Variants in ITPR2 observed in about 807,000 individuals in gnomAD.
The protein encoded by ITPR2 is inositol 1,4,5-trisphosphate receptor type 2.
In ITPR2, 207 loss-of-function variants were observed where a neutral mutation model predicts 317.1. The ratio of observed to expected loss-of-function variants is 0.65; its 90% CI spans 0.58 to 0.73. The LOEUF (loss-of-function observed/expected upper bound fraction) is 0.73. ITPR2 is among the 30% of genes least tolerant of loss of function. The probability of loss-of-function intolerance (pLI) is 0.00; values close to 1 mark genes in which losing one functional copy is unlikely to be tolerated. For missense variants in ITPR2, 2,613 were observed against 3,284.0 expected (o/e 0.80, Z 4.99); for synonymous variants, 1,156 against 1,149.1 (o/e 1.01, Z -0.12).
intron 2 of ITPR2, among the ~76,000 whole-genome samples, chr12:26,738,926 A>T (rs182420451): frequency 6.6e-6 from 1 of 152,366 alleles, no homozygotes; most frequent in Admixed American, 6.5e-5. Flanking sequence ...AAGCAAGCAC[A>T]TTTCTAACAG....
At chr12:26,752,175 T>G (rs1334820786) in intron 2 of ITPR2, among the ~76,000 whole-genome samples, 1 of 152,220 alleles carries the variant, frequency 6.6e-6, no homozygotes, top group African/African-American at 2.4e-5. Context: ...TACTTGAGTT[T>G]GTTTCTCCTA....
At position 26,439,274 on chromosome 12, in the gene ITPR2, G is replaced by A. The variant is rs1372169536; in HGVS notation, c.6496C>T (p.Pro2166Ser). Reference sequence around the variant, plus strand: ...CGAGTGAGGTATTCACATATATTGGGGACAGGAAAAACTATTTGTTCCATG... The same window carrying A: ...CGAGTGAGGTATTCACATATATTGGAGACAGGAAAAACTATTTGTTCCATG... ...RTMEQIVFPV[P>S]NICEYLTRES... Residue 2166 changes from proline (P) to serine (S), a missense_variant, in exon 47 of 57, where the codon CCC becomes TCC. Physicochemically the swap from Pro to Ser is moderately conservative, Grantham distance 74. Around this residue, in one of 9 missense-constraint regions of ITPR2, gnomAD observed 926 missense variants for 1,072.8 expected, o/e 0.86. Coordinates refer to ENST00000381340, the MANE Select transcript of ITPR2 (RefSeq NM_002223.4). The A allele has an allele frequency of 1.9e-6, 3 of 1,609,512 alleles. No individual in the cohort carries two copies. Among genetic ancestry groups the A allele is most frequent in the Non-Finnish European group, 8.5e-7 (1 of 1,177,984 alleles).
intron 20 of ITPR2, among the ~76,000 whole-genome samples, chr12:26,654,983 T>C (rs986990179): frequency 1.3e-5 from 2 of 152,208 alleles, no homozygotes; most frequent in Non-Finnish European, 2.9e-5. Context: ...GCTATGATAA[T>C]GTTTGTTGCT....
intron 15 of ITPR2, among the ~76,000 whole-genome samples, chr12:26,663,322 A>T (rs1947544295): frequency 6.6e-6 from 1 of 152,062 alleles, no homozygotes; most frequent in African/African-American, 2.4e-5. Context: ...TTTCCACTAA[A>T]CTATAACCTC....
intron 32 of ITPR2, among the ~76,000 whole-genome samples, chr12:26,581,554 C>T (rs11048590): frequency 0.064 from 9,684 of 152,048 alleles, 436 homozygotes; most frequent in Middle Eastern, 0.14. Context: ...GTTCAACAAA[C>T]GTTTGTGAAA....
intron 37 of ITPR2, among the ~76,000 whole-genome samples, chr12:26,544,851 G>C (rs895960756): frequency 5.9e-5 from 9 of 152,032 alleles, no homozygotes; most frequent in African/African-American, 2.2e-4. Flanking sequence ...GGCAGGTATT[G>C]GGTAACCTAT....
intron 13 of ITPR2, among the ~76,000 whole-genome samples, chr12:26,674,432 A>T (rs1264757210): frequency 6.6e-6 from 1 of 152,224 alleles, no homozygotes; most frequent in Non-Finnish European, 1.5e-5. Flanking sequence ...CCTGAGAGAA[A>T]CAAGCAATGG....
At chr12:26,616,234 T>G (rs1032472722) in intron 26 of ITPR2, among the ~76,000 whole-genome samples, 1 of 152,006 alleles carries the variant, frequency 6.6e-6, no homozygotes, top group Non-Finnish European at 1.5e-5. Context: ...GCCTCCCGGG[T>G]TCACGCCATT....
At chr12:26,426,660 A>AT (rs944293923) in intron 49 of ITPR2, among the ~76,000 whole-genome samples, 11 of 152,084 alleles carry the variant, frequency 7.2e-5, no homozygotes, top group African/African-American at 2.7e-4. Context: ...GGTTGCCTGA[A>AT]TGTTCTAGCT....
In ITPR2 at chr12:26,545,229, A is replaced by G. The variant is rs578169153; in HGVS notation, c.5073+5018T>C. 1.1e-4 allele frequency among the ~76,000 whole-genome samples: 16 copies of G among 152,282 alleles called. 1 individual carries two copies. Among genetic ancestry groups the G allele is most frequent in the Middle Eastern group, 6.8e-3 (2 of 294 alleles). On this transcript the variant is annotated intron_variant, in intron 37 of 56. Transcript: ENST00000381340. ...TGTAAACATGTTACCTCACATGCCA[A>G]AAGGGATTCGGCAGGTGTGATTTGA...
At chr12:26,702,274 G>A (rs969547563) in intron 9 of ITPR2, among the ~76,000 whole-genome samples, 1 of 151,154 alleles carries the variant, frequency 6.6e-6, no homozygotes, top group African/African-American at 2.4e-5. Context: ...AAGAGAAAGG[G>A]TCTAATAATA....
intron 54 of ITPR2, among the ~76,000 whole-genome samples, chr12:26,388,934 T>C (rs1939749353): frequency 6.6e-6 from 1 of 152,204 alleles, no homozygotes. Flanking sequence ...GTTCTAGTTG[T>C]TCAAGCCAAA....
intron 13 of ITPR2, among the ~76,000 whole-genome samples, chr12:26,681,462 G>C (rs935984508): frequency 6.6e-6 from 1 of 151,892 alleles, no homozygotes; most frequent in Non-Finnish European, 1.5e-5. Context: ...TTACATATCT[G>C]TTTATTTTGT....
At chr12:26,431,549 G>T (rs912505667) in intron 48 of ITPR2, among the ~76,000 whole-genome samples, 1 of 152,172 alleles carries the variant, frequency 6.6e-6, no homozygotes, top group African/African-American at 2.4e-5. Flanking sequence ...TAAAACATCA[G>T]CCCTGTACTC....
chr12:26,376,611 A>G (rs1939352357), intron 55 of ITPR2, among the ~76,000 whole-genome samples: 1 of 152,166 alleles, frequency 6.6e-6, no homozygotes, highest in African/African-American at 2.4e-5. Context: ...CATGCTTTCT[A>G]AAATGTAAAT....
chr12:26,354,479 A>G (rs867314848), intron 55 of ITPR2, among the ~76,000 whole-genome samples: 4 of 152,252 alleles, frequency 2.6e-5, no homozygotes, highest in Middle Eastern at 3.4e-3. Context: ...ATAGTCACAG[A>G]GCGTTACCTG....
chr12:26,348,057 T>G (rs1938362104), intron 55 of ITPR2, among the ~76,000 whole-genome samples: 1 of 152,226 alleles, frequency 6.6e-6, no homozygotes, highest in Non-Finnish European at 1.5e-5. Flanking sequence ...AGCTTTATGT[T>G]TATACTGCAT....
Position 26,442,796 on chromosome 12 carries a change from C to T in ITPR2, c.6450+747G>A, listed in dbSNP as rs1459409950. ...ATCTTGAGAGTGAATACAGTGATGCCCATCATGCACTCTGCTGAAAAGTAA... is the reference window on the plus strand; with the variant it reads ...ATCTTGAGAGTGAATACAGTGATGCTCATCATGCACTCTGCTGAAAAGTAA... On this transcript the variant is annotated intron_variant, in intron 46 of 56. Coordinates refer to ENST00000381340, the MANE Select transcript of ITPR2 (RefSeq NM_002223.4). Among the ~76,000 whole-genome samples the T allele has an allele frequency of 2.6e-5, 4 of 151,928 alleles. No homozygotes were observed. In the East Asian group the frequency reaches 5.8e-4, roughly 22 times the overall value.
intron 55 of ITPR2, among the ~76,000 whole-genome samples, chr12:26,372,121 T>G (rs1163116186): frequency 6.6e-6 from 1 of 152,214 alleles, no homozygotes; most frequent in Non-Finnish European, 1.5e-5. Context: ...CTTCCCATGC[T>G]AGAGGACAGC....
Sources: gnomAD v4.1 joint callset for allele counts (sites outside exome capture counted in the v4.1 genomes callset) on GRCh38, gnomAD v4.1.1 for gene constraint, gnomAD v4.1.1 regional missense constraint, MANE v1.5 for transcripts, NCBI Gene and HGNC (gene_info 2026-07-23, HGNC 2026-07-21) for gene names.